DOCK1: variants seen among roughly 807,000 people sequenced by gnomAD.
DOCK1 encodes the protein dedicator of cytokinesis 1, also known as dedicator of cytokinesis protein 1.
DOCK1 carries 138 observed loss-of-function variants against 262.7 expected under a neutral mutation model. The ratio of observed to expected loss-of-function variants is 0.53; its 90% confidence interval spans 0.46 to 0.61. The LOEUF (loss-of-function observed/expected upper bound fraction) is 0.61. Among genes scored for constraint, DOCK1 ranks in the 20% least tolerant of loss-of-function variants. The pLI is 0.00. For missense variants in DOCK1, 1,908 were observed against 2,370.7 expected, an observed-to-expected ratio of 0.80 and a Z score of 4.05; for synonymous variants, 866 against 867.4, an observed-to-expected ratio of 1.00 and a Z score of 0.03.
At chr10:127,081,379 T>G (rs2046889755) in intron 23 of DOCK1, among the ~76,000 whole-genome samples, 1 of 152,004 alleles carries the variant, frequency 6.6e-6, no homozygotes. Flanking sequence ...GCTTTTTTTT[T>G]TTTTGCCTGT....
chr10:127,024,608 C>G (rs541663058), intron 14 of DOCK1, 77 bp from the exon 15 acceptor site: 4 of 1,237,150 alleles, frequency 3.2e-6, no homozygotes, highest in African/African-American at 1.5e-5. Flanking sequence ...CCTGTCCCCC[C>G]ACATATATAG....
chr10:127,064,368 G>A (rs1713698477), intron 23 of DOCK1, among the ~76,000 whole-genome samples: 1 of 152,154 alleles, frequency 6.6e-6, no homozygotes, highest in Admixed American at 6.5e-5. Flanking sequence ...TCAGCCACGG[G>A]GTTTTACGCC....
At chr10:126,978,218 A>G (rs1358082952) in intron 3 of DOCK1, among the ~76,000 whole-genome samples, 1 of 152,208 alleles carries the variant, frequency 6.6e-6, no homozygotes, top group East Asian at 1.9e-4. Flanking sequence ...AGTTTGTGAT[A>G]TAGTGTTGGC....
chr10:127,404,503 G>A (rs2067401635), intron 40 of DOCK1, 74 bp downstream of exon 40: 5 of 1,455,030 alleles, frequency 3.4e-6, no homozygotes, highest in Non-Finnish European at 4.7e-6. Flanking sequence ...TTCTGAGGAA[G>A]GGTGGGGAGT....
intron 27 of DOCK1, among the ~76,000 whole-genome samples, chr10:127,207,168 T>G (rs2057762208): frequency 6.6e-6 from 1 of 152,232 alleles, no homozygotes; most frequent in African/African-American, 2.4e-5. Flanking sequence ...ACTCAATTTA[T>G]GCCAACCAGT....
chr10:127,017,821 ACAGCT>A (rs2042120777), intron 12 of DOCK1, among the ~76,000 whole-genome samples: 1 of 152,118 alleles, frequency 6.6e-6, no homozygotes, highest in Non-Finnish European at 1.5e-5. Context: ...GTCGTAGAAG[ACAGCT>A]CAGGCCGAGC....
chr10:127,275,643 A>G (rs756728350), intron 29 of DOCK1, among the ~76,000 whole-genome samples: 15 of 152,136 alleles, frequency 9.9e-5, no homozygotes, highest in Admixed American at 4.6e-4. Flanking sequence ...CATGAGGGCA[A>G]TGAGTTCTAG....
At chr10:126,911,476 G>C (rs897794001) in intron 1 of DOCK1, among the ~76,000 whole-genome samples, 3 of 152,240 alleles carry the variant, frequency 2.0e-5, no homozygotes, top group African/African-American at 7.2e-5. Flanking sequence ...ACATGCACCA[G>C]TGTGGAGACC....
intron 43 of DOCK1, among the ~76,000 whole-genome samples, chr10:127,412,209 G>A (rs769319372): frequency 1.3e-5 from 2 of 152,050 alleles, no homozygotes; most frequent in Non-Finnish European, 2.9e-5. Flanking sequence ...TGATCCCCCC[G>A]CCTCAGCCTC....
At chr10:127,308,887 C>T (rs2061967224) in intron 29 of DOCK1, among the ~76,000 whole-genome samples, 1 of 152,130 alleles carries the variant, frequency 6.6e-6, no homozygotes, top group Non-Finnish European at 1.5e-5. Context: ...AATAGTGTCG[C>T]AATAAACATA....
intron 33 of DOCK1, among the ~76,000 whole-genome samples, chr10:127,363,035 C>CCCACACACACACACATACACATACACA (rs2064674888): frequency 1.7e-4 from 1 of 5,740 alleles, no homozygotes; most frequent in Non-Finnish European, 4.4e-4. Flanking sequence ...ACACATGCAC[C>CCCACACACACACACATACACATACACA]TCCCCCCACA....
chr10:127,019,064 C>T (rs1416983748), intron 13 of DOCK1: 1 of 578,698 alleles, frequency 1.7e-6, no homozygotes, highest in African/African-American at 1.9e-5. Context: ...TCCCCAGCTG[C>T]AAGGATTGTG....
intron 1 of DOCK1, among the ~76,000 whole-genome samples, chr10:126,950,315 G>A (rs1396249170): frequency 2.0e-5 from 3 of 152,016 alleles, no homozygotes; most frequent in Admixed American, 2.0e-4. Flanking sequence ...GGGATCTTGG[G>A]TGGTAAATAT....
At chr10:127,393,865 T>A (rs1427285216) in intron 38 of DOCK1, among the ~76,000 whole-genome samples, 1 of 151,840 alleles carries the variant, frequency 6.6e-6, no homozygotes, top group Non-Finnish European at 1.5e-5. Flanking sequence ...TCCATTTTCA[T>A]TCTTTTACGT....
At chr10:126,917,870 G>A (rs750692994) in intron 1 of DOCK1, among the ~76,000 whole-genome samples, 11 of 152,150 alleles carry the variant, frequency 7.2e-5, no homozygotes, top group African/African-American at 2.2e-4. Context: ...TCCCCCAGGC[G>A]CATAAAGCTG....
intron 1 of DOCK1, among the ~76,000 whole-genome samples, chr10:126,948,990 G>T (rs1281594682): frequency 6.6e-6 from 1 of 152,072 alleles, no homozygotes; most frequent in Non-Finnish European, 1.5e-5. Context: ...CCCACCCCCT[G>T]GACCCTGTTC....
intron 27 of DOCK1, chr10:127,137,613 C>T: frequency 4.5e-6 from 2 of 447,860 alleles, no homozygotes; most frequent in Non-Finnish European, 7.8e-6. Context: ...ATTTTACATC[C>T]CACATCAGTG....
rs142710135 is a variant in DOCK1, at chr10:126,985,573, AG to A, written c.228-1947del. ...TCACATGGTGGAAGGGAGGTCGTTGAGCTCCAGGCTTCTCATAGCCAGTGTG... is the reference window on the plus strand; with the variant it reads ...TCACATGGTGGAAGGGAGGTCGTTGACTCCAGGCTTCTCATAGCCAGTGTG... On this transcript the variant is annotated intron_variant, in intron 4 of 51. Transcript: ENST00000623213. Among the ~76,000 whole-genome samples the A allele has an allele frequency of 4.4e-3, 664 of 152,236 alleles. 3 individuals carry two copies. The highest frequency in any genetic ancestry group is 0.015 in the African/African-American group (635 of 41,538).
chr10:127,105,927 A>AT (rs1477000909), intron 23 of DOCK1, among the ~76,000 whole-genome samples: 5 of 151,628 alleles, frequency 3.3e-5, no homozygotes, highest in Admixed American at 3.3e-4. Flanking sequence ...TGCCTGGCTA[A>AT]TTTTTTTTGT....
Sources: gnomAD v4.1 joint callset for allele counts (sites outside exome capture counted in the v4.1 genomes callset) on GRCh38, gnomAD v4.1.1 for gene constraint, MANE v1.5 for transcripts, NCBI Gene and HGNC (gene_info 2026-07-23, HGNC 2026-07-21) for gene names.